ABCD3: variants seen among roughly 807,000 people sequenced by gnomAD.
ABCD3 encodes the protein ATP-binding cassette sub-family D member 3.
ABCD3 carries 41 observed loss-of-function variants against 105.5 expected under a neutral mutation model. The ratio of observed to expected loss-of-function variants is 0.39; its 90% confidence interval spans 0.30 to 0.50. ABCD3 has a LOEUF of 0.50. ABCD3 is among the 20% of genes least tolerant of loss of function. The probability of loss-of-function intolerance (pLI) is 0.84; values close to 1 mark genes in which losing one functional copy is unlikely to be tolerated. For synonymous variants in ABCD3, 258 were observed against 269.0 expected (o/e 0.96, Z 0.40); for missense variants, 622 against 806.3 (o/e 0.77, Z 2.77).
intron 1 of ABCD3, among the ~76,000 whole-genome samples, chr1:94,453,238 GT>G (rs1427774272): frequency 1.3e-5 from 2 of 152,220 alleles, no homozygotes; most frequent in East Asian, 3.9e-4. Flanking sequence ...AGGGTAGGAG[GT>G]GGGCAGCTCT....
chr1:94,443,267 T>G (rs902121172), intron 1 of ABCD3, among the ~76,000 whole-genome samples: 1 of 152,250 alleles, frequency 6.6e-6, no homozygotes, highest in African/African-American at 2.4e-5. Flanking sequence ...TGTCTTCTTT[T>G]GAAAAATGTC....
At chr1:94,437,877 G>A (rs756074973) in intron 1 of ABCD3, among the ~76,000 whole-genome samples, 4 of 152,114 alleles carry the variant, frequency 2.6e-5, no homozygotes, top group Non-Finnish European at 5.9e-5. Context: ...CAACCCTCAT[G>A]GATGACTTTG....
At chr1:94,474,886 C>T (rs1570792949) in intron 5 of ABCD3, among the ~76,000 whole-genome samples, 1 of 149,462 alleles carries the variant, frequency 6.7e-6, no homozygotes. Context: ...GCCCGTTTAC[C>T]AAAAAAAATG....
chr1:94,509,872 A>T (rs1014139145), intron 21 of ABCD3, among the ~76,000 whole-genome samples: 3 of 151,758 alleles, frequency 2.0e-5, no homozygotes, highest in African/African-American at 7.2e-5. Context: ...TATTTGATTC[A>T]TCTCTCTTTT....
intron 16 of ABCD3, among the ~76,000 whole-genome samples, chr1:94,496,624 T>TG (rs1649810019): frequency 6.6e-6 from 1 of 150,440 alleles, no homozygotes; most frequent in South Asian, 2.1e-4. Flanking sequence ...CCCTACCTGA[T>TG]ACATCTCTGA....
intron 7 of ABCD3, among the ~76,000 whole-genome samples, chr1:94,476,816 C>A (rs191799971): frequency 2.2e-4 from 33 of 152,184 alleles, no homozygotes; most frequent in African/African-American, 7.7e-4. Flanking sequence ...ACTCTGACAA[C>A]TACAAATAGT....
At chr1:94,445,250 C>T (rs1411970259) in intron 1 of ABCD3, among the ~76,000 whole-genome samples, 1 of 152,186 alleles carries the variant, frequency 6.6e-6, no homozygotes, top group Non-Finnish European at 1.5e-5. Context: ...GTCTTTAATT[C>T]CTCTAGCGCC....
chr1:94,505,439 C>T (rs376267312), intron 20 of ABCD3, among the ~76,000 whole-genome samples: 1 of 148,958 alleles, frequency 6.7e-6, no homozygotes, highest in East Asian at 2.0e-4. Flanking sequence ...TTTCAAACTC[C>T]TGATCTCTAG....
the ABCD3 span, among the ~76,000 whole-genome samples, chr1:94,411,935 C>A: frequency 2.6e-5 from 4 of 152,076 alleles, no homozygotes; most frequent in African/African-American, 9.7e-5. Context: ...CATGAAATGT[C>A]CAGAATAGGT....
At chr1:94,491,926 A>C (rs903471357) in intron 16 of ABCD3, among the ~76,000 whole-genome samples, 1 of 152,098 alleles carries the variant, frequency 6.6e-6, no homozygotes, top group Non-Finnish European at 1.5e-5. Flanking sequence ...ATTAGTAACA[A>C]ATTCCTATCA....
At chr1:94,416,937 C>T (rs115608975), upstream of ABCD3, among the ~76,000 whole-genome samples, 2,747 of 152,268 alleles carry the variant, frequency 0.018, 96 homozygotes, top group African/African-American at 0.063. Context: ...CCATTTTTGT[C>T]CAATCACATT....
intron 1 of ABCD3, among the ~76,000 whole-genome samples, chr1:94,427,651 T>A (rs955198666): frequency 6.6e-6 from 1 of 152,144 alleles, no homozygotes; most frequent in Non-Finnish European, 1.5e-5. Flanking sequence ...TTAAGTAAAA[T>A]TTTACGGGAA....
At chr1:94,403,819 C>A in the ABCD3 span, among the ~76,000 whole-genome samples, 3 of 152,114 alleles carry the variant, frequency 2.0e-5, no homozygotes, top group African/African-American at 7.2e-5. Flanking sequence ...CTTATACCTA[C>A]CCTGCTCCAT....
At position 94,508,543 on chromosome 1, in the gene ABCD3, C is replaced by A. The variant is rs555600140; in HGVS notation, c.1845+1901C>A. Among the ~76,000 whole-genome samples, 3 of 150,912 alleles carry A rather than the reference C, an allele frequency of 2.0e-5. No individual in the cohort carries two copies. The South Asian group carries it at 6.4e-4, about 32-fold the overall frequency. On this transcript the variant is annotated intron_variant, in intron 21 of 22. Coordinates refer to ENST00000370214, the MANE Select transcript of ABCD3 (RefSeq NM_002858.4). The stretch of plus-strand genomic sequence containing the variant: ...ATTCTGTGAAGAAAGTCATTGGTAG[C>A]TTGATGGGGATGGCATTGAATCTGT...
At chr1:94,414,176 G>A (rs1482219376), upstream of ABCD3, among the ~76,000 whole-genome samples, 1 of 152,122 alleles carries the variant, frequency 6.6e-6, no homozygotes, top group Non-Finnish European at 1.5e-5. Context: ...GAGATGCTAA[G>A]GCTATTGCAG....
the ABCD3 span, among the ~76,000 whole-genome samples, chr1:94,394,027 T>C: frequency 2.3e-4 from 35 of 152,336 alleles, no homozygotes; most frequent in African/African-American, 8.4e-4. Flanking sequence ...AGAGTTCTTT[T>C]CTTTGTGATA....
intron 21 of ABCD3, among the ~76,000 whole-genome samples, chr1:94,512,488 T>A (rs1489236281): frequency 6.6e-6 from 1 of 152,010 alleles, no homozygotes; most frequent in Non-Finnish European, 1.5e-5. Context: ...AACAACGTAT[T>A]TAAATCTATT....
chr1:94,435,405 G>T (rs1170517936), intron 1 of ABCD3, among the ~76,000 whole-genome samples: 1 of 152,124 alleles, frequency 6.6e-6, no homozygotes, highest in Non-Finnish European at 1.5e-5. Flanking sequence ...GGGAGGTGTG[G>T]TGGTACATGC....
the ABCD3 span, among the ~76,000 whole-genome samples, chr1:94,393,630 C>T: frequency 2.0e-5 from 3 of 151,764 alleles, no homozygotes; most frequent in African/African-American, 7.3e-5. Context: ...CAGAGTGAGA[C>T]TCTGTCTCAA....
Sources: allele counts gnomAD v4.1 joint callset (sites outside exome capture counted in the v4.1 genomes callset), GRCh38; gene constraint gnomAD v4.1.1; transcripts MANE v1.5; gene names NCBI Gene and HGNC (gene_info 2026-07-23, HGNC 2026-07-21).